CTNNA2: variants seen among roughly 807,000 people sequenced by gnomAD.
CTNNA2 encodes catenin alpha-2.
In CTNNA2, 42 loss-of-function variants were observed where a neutral mutation model predicts 101.0. That is an observed-to-expected ratio of 0.42 (90% CI 0.32 to 0.54). The LOEUF (loss-of-function observed/expected upper bound fraction) is 0.54. Among genes scored for constraint, CTNNA2 ranks in the 20% least tolerant of loss-of-function variants. CTNNA2 has a pLI of 0.14. For missense variants in CTNNA2, 871 were observed against 1,223.1 expected (o/e 0.71, Z 4.29); for synonymous variants, 450 against 456.4 (o/e 0.99, Z 0.18).
chr2:79,874,191 C>T lies in CTNNA2; in HGVS notation c.701C>T (p.Ala234Val). The T allele has an allele frequency of 6.2e-7, 1 of 1,614,138 alleles. No homozygotes were observed. Among genetic ancestry groups the T allele is most frequent in the East Asian group, 2.2e-5 (1 of 44,828 alleles). The part of the protein sequence containing the change: ...SQAFLRHPDV[A>V]ATRANRDYVF... The stretch of plus-strand genomic sequence containing the variant: ...GCATTTCTCCGCCACCCAGATGTCG[C>T]CGCTACGAGAGCCAACCGAGATTAT... The change falls in exon 6 of 19, where the codon GCC becomes GTC. Residue 234 changes from alanine (A) to valine (V), a missense_variant. Physicochemically the swap from Ala to Val is moderately conservative, Grantham distance 64. Transcript: ENST00000402739.
chr2:80,390,080 C>T (rs574996295), intron 7 of CTNNA2, among the ~76,000 whole-genome samples: 4 of 152,320 alleles, frequency 2.6e-5, no homozygotes, highest in African/African-American at 7.2e-5. Context: ...AAAGCTGGCT[C>T]ATTTCACTCA....
At chr2:79,631,426 C>G (rs1404053397) in intron 1 of CTNNA2, among the ~76,000 whole-genome samples, 3 of 152,144 alleles carry the variant, frequency 2.0e-5, no homozygotes, top group Non-Finnish European at 2.9e-5. Flanking sequence ...GTCAACAAAC[C>G]ACTACGCGTC....
chr2:79,190,662 A>G (rs552857142), intron 1 of CTNNA2, among the ~76,000 whole-genome samples: 14 of 152,270 alleles, frequency 9.2e-5, no homozygotes, highest in African/African-American at 3.4e-4. Flanking sequence ...GCCACCAACC[A>G]TGTACCAAAG....
intron 7 of CTNNA2, among the ~76,000 whole-genome samples, chr2:80,170,031 A>G (rs1704944951): frequency 6.6e-6 from 1 of 152,250 alleles, no homozygotes; most frequent in African/African-American, 2.4e-5. Flanking sequence ...GCAAGAACTC[A>G]GTAAATAATT....
chr2:80,608,781 A>G (rs1171316451), intron 17 of CTNNA2, among the ~76,000 whole-genome samples: 1 of 152,010 alleles, frequency 6.6e-6, no homozygotes, highest in African/African-American at 2.4e-5. Context: ...CTAGGTTATC[A>G]GTAACCCTTG....
intron 2 of CTNNA2, among the ~76,000 whole-genome samples, chr2:79,227,790 C>T (rs1046792622): frequency 1.3e-5 from 2 of 152,014 alleles, no homozygotes; most frequent in Non-Finnish European, 2.9e-5. Flanking sequence ...TTAAAGGGTA[C>T]ACACGCAGAT....
intron 2 of CTNNA2, among the ~76,000 whole-genome samples, chr2:79,200,383 CAAA>C (rs34255396): frequency 2.7e-5 from 3 of 110,220 alleles, no homozygotes; most frequent in Admixed American, 1.0e-4. Context: ...GACTCCGTCT[CAAA>C]AAAAAAAAAA....
At chr2:79,732,280 G>C (rs1483713582) in intron 2 of CTNNA2, among the ~76,000 whole-genome samples, 1 of 151,984 alleles carries the variant, frequency 6.6e-6, no homozygotes, top group African/African-American at 2.4e-5. Flanking sequence ...CCAGGTCATT[G>C]AAAAGTGAAG....
At chr2:79,459,564 T>C (rs1444660118) in intron 4 of CTNNA2, among the ~76,000 whole-genome samples, 3 of 152,178 alleles carry the variant, frequency 2.0e-5, no homozygotes, top group Non-Finnish European at 2.9e-5. Context: ...TAGGAACATT[T>C]TAGGAATGAG....
rs547294489 is a variant in CTNNA2 at position 80,629,819 on chromosome 2, C to T, written c.2574+10591C>T. ...ACAAACATCTCCAAACTTTGCTGAA[C>T]GTATCCTGGAGTGGGTGGCAAAATT... On this transcript the variant is annotated intron_variant, in intron 18 of 18. Coordinates refer to ENST00000402739, the MANE Select transcript of CTNNA2 (RefSeq NM_001282597.3). 1.6e-4 allele frequency among the ~76,000 whole-genome samples: 25 copies of T among 152,312 alleles called. 2 individuals are homozygous for T. Among genetic ancestry groups the T allele is most frequent in the African/African-American group, 4.8e-4 (20 of 41,572 alleles).
intron 7 of CTNNA2, among the ~76,000 whole-genome samples, chr2:79,975,076 C>A (rs1269289369): frequency 6.6e-6 from 1 of 152,090 alleles, no homozygotes; most frequent in African/African-American, 2.4e-5. Context: ...TCATTTTCTG[C>A]CCTAAGAATA....
chr2:80,197,737 C>T (rs1219386412), intron 7 of CTNNA2, among the ~76,000 whole-genome samples: 1 of 152,158 alleles, frequency 6.6e-6, no homozygotes, highest in Non-Finnish European at 1.5e-5. Context: ...GGCTCACCTT[C>T]AGTCTCTCAC....
chr2:79,701,668 A>G (rs1685010346), intron 2 of CTNNA2, among the ~76,000 whole-genome samples: 2 of 152,204 alleles, frequency 1.3e-5, no homozygotes, highest in Admixed American at 6.6e-5. Context: ...ATCTCAGGGA[A>G]GTTAATGACT....
At chr2:79,914,299 A>G (rs72807317) in intron 7 of CTNNA2, among the ~76,000 whole-genome samples, 15,953 of 152,216 alleles carry the variant, frequency 0.1, 1,112 homozygotes, top group East Asian at 0.22. Flanking sequence ...AAAATGTCTA[A>G]GTATGGTTCA....
intron 7 of CTNNA2, among the ~76,000 whole-genome samples, chr2:80,182,965 A>G (rs552197587): frequency 6.6e-6 from 1 of 152,362 alleles, no homozygotes; most frequent in African/African-American, 2.4e-5. Context: ...AAAACCAGTT[A>G]TTCAAAGGGA....
At chr2:80,608,933 C>A (rs1233314319) in intron 17 of CTNNA2, among the ~76,000 whole-genome samples, 1 of 151,790 alleles carries the variant, frequency 6.6e-6, no homozygotes, top group Admixed American at 6.6e-5. Flanking sequence ...TTATCTGGTC[C>A]ATTTTTATCA....
chr2:79,292,266 G>A (rs987868856), intron 2 of CTNNA2, among the ~76,000 whole-genome samples: 1 of 152,064 alleles, frequency 6.6e-6, no homozygotes, highest in Admixed American at 6.5e-5. Flanking sequence ...AGTAACCAGG[G>A]CTACACTGAA....
upstream of CTNNA2, among the ~76,000 whole-genome samples, chr2:79,512,294 A>G (rs1287426054): frequency 1.3e-5 from 2 of 152,206 alleles, no homozygotes; most frequent in African/African-American, 4.8e-5. Flanking sequence ...CCACTGAATC[A>G]AGAAAAGAAT....
intron 18 of CTNNA2, among the ~76,000 whole-genome samples, chr2:80,638,527 G>A (rs1323770030): frequency 6.6e-6 from 1 of 152,168 alleles, no homozygotes; most frequent in African/African-American, 2.4e-5. Context: ...TAAACAGGTG[G>A]CCCTGTTCCG....
Sources: gnomAD v4.1 joint callset for allele counts (sites outside exome capture counted in the v4.1 genomes callset) on GRCh38, gnomAD v4.1.1 for gene constraint, MANE v1.5 for transcripts, NCBI Gene and HGNC (gene_info 2026-07-23, HGNC 2026-07-21) for gene names.